The following EBF1 variants were observed in gnomAD, a reference collection of about 807,000 sequenced individuals.
The protein encoded by EBF1 is transcription factor COE1.
In EBF1, 10 loss-of-function variants were observed where a neutral mutation model predicts 68.4. The observed-to-expected ratio is 0.15, with a 90% confidence interval of 0.09 to 0.25. The LOEUF (loss-of-function observed/expected upper bound fraction) is 0.25, where lower values mean the gene tolerates loss of function less well. EBF1 is among the 10% of genes least tolerant of loss of function. EBF1 has a pLI of 1.00. For missense variants in EBF1, 509 were observed against 794.4 expected, an observed-to-expected ratio of 0.64 and a Z score of 4.32; for synonymous variants, 298 against 299.8, an observed-to-expected ratio of 0.99 and a Z score of 0.06.
intron 8 of EBF1, among the ~76,000 whole-genome samples, 199 bp from the exon 9 acceptor site, chr5:158,796,674 A>G (rs956612766): frequency 1.3e-5 from 2 of 152,206 alleles, no homozygotes; most frequent in Admixed American, 6.5e-5. Flanking sequence ...CATTCTTTTC[A>G]TTGTTTCTAT....
chr5:159,098,795 AG>A (rs948161720), intron 1 of EBF1, among the ~76,000 whole-genome samples: 20 of 148,220 alleles, frequency 1.3e-4, no homozygotes, highest in Non-Finnish European at 2.7e-4. Context: ...AAGAAAATAA[AG>A]GGGGGAGAAA....
intron 10 of EBF1, among the ~76,000 whole-genome samples, chr5:158,753,696 G>A (rs1309642453): frequency 1.3e-5 from 2 of 152,006 alleles, no homozygotes; most frequent in Non-Finnish European, 2.9e-5. Flanking sequence ...AGACTGTTAG[G>A]CAAAATAAAT....
intron 6 of EBF1, among the ~76,000 whole-genome samples, chr5:159,066,493 C>T (rs943948033): frequency 6.6e-6 from 1 of 152,114 alleles, no homozygotes; most frequent in African/African-American, 2.4e-5. Context: ...ACGCCAATGG[C>T]CTGTCCTTCC....
chr5:159,086,023 C>T (rs1780581618), intron 4 of EBF1, among the ~76,000 whole-genome samples: 1 of 152,050 alleles, frequency 6.6e-6, no homozygotes, highest in Non-Finnish European at 1.5e-5. Flanking sequence ...ACTTCTCCAC[C>T]ATTGGCCCAT....
chr5:159,061,905 G>A (rs1023549100), intron 6 of EBF1, among the ~76,000 whole-genome samples: 1 of 152,082 alleles, frequency 6.6e-6, no homozygotes, highest in Non-Finnish European at 1.5e-5. Context: ...CAATCTTGAG[G>A]AGAGCTTATT....
chr5:158,760,653 G>A (rs13181719), intron 10 of EBF1, among the ~76,000 whole-genome samples: 11,978 of 152,118 alleles, frequency 0.079, 531 homozygotes, highest in South Asian at 0.11. Flanking sequence ...AATAATGAGC[G>A]AAGGAATGCT....
chr5:158,775,144 AC>A, intron 10 of EBF1, among the ~76,000 whole-genome samples: 1 of 152,064 alleles, frequency 6.6e-6, no homozygotes, highest in Non-Finnish European at 1.5e-5. Flanking sequence ...TGAAAATCCA[AC>A]ACTTTTTTCT....
chr5:158,912,023 G>T (rs1199053006), intron 6 of EBF1, among the ~76,000 whole-genome samples: 1 of 152,148 alleles, frequency 6.6e-6, no homozygotes, highest in African/African-American at 2.4e-5. Flanking sequence ...TCTTTAGTGG[G>T]TGAGTAATGA....
rs115382977 is a variant in EBF1 at position 159,002,897 on chromosome 5, A to G, written c.554+70499T>C. 3.1e-3 allele frequency among the ~76,000 whole-genome samples: 476 copies of G among 152,330 alleles called. 3 individuals are homozygous for G. The highest frequency in any genetic ancestry group is 0.011 in the African/African-American group (449 of 41,578). On this transcript the variant is annotated intron_variant, in intron 6 of 15. Transcript: ENST00000313708. ...AGAGTGGATGGAGAGCTAGAGGACT[A>G]ATTTGCAGCTGTGTAGGAAAGTTGA...
At chr5:158,803,021 G>A (rs1780897985) in intron 8 of EBF1, among the ~76,000 whole-genome samples, 1 of 152,096 alleles carries the variant, frequency 6.6e-6, no homozygotes, top group Non-Finnish European at 1.5e-5. Flanking sequence ...ACTGGCAACA[G>A]TCCCTCCAAA....
At chr5:158,720,228 T>A (rs1032369739) in intron 11 of EBF1, among the ~76,000 whole-genome samples, 4 of 152,186 alleles carry the variant, frequency 2.6e-5, no homozygotes, top group Non-Finnish European at 5.9e-5. Flanking sequence ...ATTCAGCTCC[T>A]AGACTTTAAG....
chr5:158,737,048 C>G (rs1160202949), intron 10 of EBF1, among the ~76,000 whole-genome samples: 1 of 152,118 alleles, frequency 6.6e-6, no homozygotes, highest in African/African-American at 2.4e-5. Context: ...AAATTCCTTG[C>G]AAGTGAGCTC....
At chr5:158,846,919 T>G (rs1791635961) in intron 6 of EBF1, among the ~76,000 whole-genome samples, 1 of 152,110 alleles carries the variant, frequency 6.6e-6, no homozygotes. Flanking sequence ...AGGGGAGGAA[T>G]AAGATCCTGG....
chr5:158,914,356 C>G (rs943153176), intron 6 of EBF1, among the ~76,000 whole-genome samples: 1 of 152,042 alleles, frequency 6.6e-6, no homozygotes, highest in South Asian at 2.1e-4. Context: ...TCATTGCATG[C>G]GTGGTTTGTG....
At chr5:158,900,728 C>T (rs1004176588) in intron 6 of EBF1, among the ~76,000 whole-genome samples, 1 of 152,200 alleles carries the variant, frequency 6.6e-6, no homozygotes, top group Non-Finnish European at 1.5e-5. Context: ...TATTGGGCAC[C>T]AGGCGTTACA....
intron 6 of EBF1, among the ~76,000 whole-genome samples, chr5:159,049,046 C>T (rs1210200249): frequency 6.6e-6 from 1 of 152,236 alleles, no homozygotes; most frequent in Non-Finnish European, 1.5e-5. Context: ...CATTCCCCTG[C>T]ATTCGTCAGG....
intron 6 of EBF1, among the ~76,000 whole-genome samples, chr5:158,919,922 A>C (rs1401010485): frequency 6.6e-6 from 1 of 152,190 alleles, no homozygotes; most frequent in Non-Finnish European, 1.5e-5. Flanking sequence ...TTTTTCTGCT[A>C]TATGCATTGC....
chr5:159,045,453 C>T (rs558411602), intron 6 of EBF1, among the ~76,000 whole-genome samples: 2 of 151,436 alleles, frequency 1.3e-5, no homozygotes, highest in Non-Finnish European at 2.9e-5. Context: ...AAAAAGAATC[C>T]TTGTCGTATT....
At chr5:158,901,218 A>T (rs1463515504) in intron 6 of EBF1, among the ~76,000 whole-genome samples, 1 of 152,244 alleles carries the variant, frequency 6.6e-6, no homozygotes, top group Non-Finnish European at 1.5e-5. Flanking sequence ...AGACATTTGA[A>T]CCTACTTTCT....
Sources: allele counts gnomAD v4.1 joint callset (sites outside exome capture counted in the v4.1 genomes callset), GRCh38; gene constraint gnomAD v4.1.1; transcripts MANE v1.5; gene names NCBI Gene and HGNC (gene_info 2026-07-23, HGNC 2026-07-21).